Variants in GRHL3 observed in about 807,000 individuals in gnomAD.
GRHL3 encodes grainyhead-like protein 3 homolog.
GRHL3 carries 20 observed loss-of-function variants against 70.3 expected under a neutral mutation model. The ratio of observed to expected loss-of-function variants is 0.28; its 90% CI spans 0.20 to 0.41. The LOEUF (loss-of-function observed/expected upper bound fraction) is 0.41. Among genes scored for constraint, GRHL3 ranks in the 10% least tolerant of loss-of-function variants. The pLI, the probability that GRHL3 is intolerant of heterozygous loss-of-function variation, is 1.00. For missense variants in GRHL3, 637 were observed against 762.3 expected, an observed-to-expected ratio of 0.84 and a Z score of 1.94; for synonymous variants, 299 against 299.9, an observed-to-expected ratio of 1.00 and a Z score of 0.03.
chr1:24,326,341 C>CCTCCACCCCTCTTCT (rs1639385882), intron 1 of GRHL3, among the ~76,000 whole-genome samples: 1 of 125,886 alleles, frequency 7.9e-6, no homozygotes, highest in Non-Finnish European at 1.7e-5. Flanking sequence ...CTCCCTCTTC[C>CCTCCACCCCTCTTCT]CCTCCACCCC....
chr1:24,333,101 G>C (rs538583108), intron 2 of GRHL3, among the ~76,000 whole-genome samples: 3 of 152,202 alleles, frequency 2.0e-5, no homozygotes, highest in Non-Finnish European at 4.4e-5. Context: ...CCATTCCAGG[G>C]CCAGTATGGT....
intron 1 of GRHL3, chr1:24,319,782 T>G: frequency 7.1e-7 from 1 of 1,416,314 alleles, no homozygotes; most frequent in Non-Finnish European, 9.3e-7. Flanking sequence ...TTTTTCTCAT[T>G]CTCTTTGCTG....
At chr1:24,356,432 G>A (rs1223133044), downstream of GRHL3, among the ~76,000 whole-genome samples, 1 of 151,444 alleles carries the variant, frequency 6.6e-6, no homozygotes, top group Non-Finnish European at 1.5e-5. Context: ...GTAAAGATGG[G>A]GTTTCACCGT....
intron 5 of GRHL3, chr1:24,337,423 C>A (rs190722737): frequency 5.0e-6 from 3 of 605,928 alleles, no homozygotes; most frequent in Non-Finnish European, 8.6e-6. Flanking sequence ...CTCTAATTTT[C>A]ATTGGGCCCT....
chr1:24,335,669 G>A lies in GRHL3; in HGVS notation c.267-813G>A, dbSNP rs556073452. On this transcript the variant is annotated intron_variant, in intron 3 of 15. Coordinates refer to ENST00000361548, the MANE Select transcript of GRHL3 (RefSeq NM_198173.3). Reference sequence around the variant, plus strand: ...GCGGTCTTGGCTCACTGCAAGCTCCGTCTCCCGGGTTCAAGCCATTCTTCT... The same window carrying A: ...GCGGTCTTGGCTCACTGCAAGCTCCATCTCCCGGGTTCAAGCCATTCTTCT... 1.3e-4 allele frequency among the ~76,000 whole-genome samples: 20 copies of A among 150,398 alleles called. No individual in the cohort carries two copies. The East Asian group carries it at 2.7e-3, about 21-fold the overall frequency.
At chr1:24,355,797 A>G (rs1198823269), downstream of GRHL3, among the ~76,000 whole-genome samples, 1 of 152,198 alleles carries the variant, frequency 6.6e-6, no homozygotes, top group Non-Finnish European at 1.5e-5. Flanking sequence ...CATTGAAATC[A>G]GCCATGGTGA....
chr1:24,344,485 GAA>G (rs57193515), intron 11 of GRHL3, among the ~76,000 whole-genome samples: 7,754 of 55,814 alleles, frequency 0.14, 287 homozygotes, highest in Non-Finnish European at 0.18. Context: ...TTTCCCCCCA[GAA>G]AAAAAAAAAA....
chr1:24,319,849 CCA>C, intron 1 of GRHL3: 2 of 861,406 alleles, frequency 2.3e-6, no homozygotes, highest in Non-Finnish European at 3.3e-6. Flanking sequence ...GTTTCTGGCA[CCA>C]CTTTTTGATC....
intron 1 of GRHL3, among the ~76,000 whole-genome samples, chr1:24,326,322 A>T (rs1249663161): frequency 6.9e-6 from 1 of 145,726 alleles, no homozygotes; most frequent in Non-Finnish European, 1.5e-5. Context: ...CTCCCAACTC[A>T]TCTCCATTCT....
chr1:24,336,861 A>G, intron 4 of GRHL3, 34 bp downstream of exon 4: 1 of 1,485,434 alleles, frequency 6.7e-7, no homozygotes, highest in South Asian at 1.2e-5. Flanking sequence ...TATAGCATAG[A>G]TATGTGTGTG....
chr1:24,358,532 G>C, downstream of GRHL3: 1 of 1,609,932 alleles, frequency 6.2e-7, no homozygotes, highest in Non-Finnish European at 8.5e-7. Context: ...CCTTGACCTT[G>C]TGTGACATCC....
At chr1:24,351,660 G>C (rs1230415378) in intron 15 of GRHL3, among the ~76,000 whole-genome samples, 1 of 138,464 alleles carries the variant, frequency 7.2e-6, no homozygotes, top group Admixed American at 7.6e-5. Context: ...CTGTGTGATT[G>C]CATGGGGGGG....
intron 15 of GRHL3, among the ~76,000 whole-genome samples, chr1:24,362,156 T>C (rs1641164744): frequency 6.6e-6 from 1 of 152,220 alleles, no homozygotes. Context: ...AGGAGGGGAC[T>C]TGGGATTCCT....
rs1640670921 is a variant in GRHL3 at position 24,355,207 on chromosome 1, A to T, written c.*719A>T. ...ATGGATATGTTTTTATCATTTCAAA[A>T]AATGTGTATTTCACATTTCTTGGAC... is the stretch of plus-strand genomic sequence containing the variant. On this transcript the variant is annotated 3_prime_UTR_variant, in exon 16 of 16. Transcript: ENST00000361548. 6.6e-6 allele frequency: 1 copy of T among 152,594 alleles called. No homozygotes were observed. Among genetic ancestry groups the T allele is most frequent in the Admixed American group, 6.5e-5 (1 of 15,290 alleles). 9.5% of individuals were successfully genotyped at this position (152,594 alleles called of 1,614,324 possible).
In GRHL3 at chr1:24,342,938, C is replaced by A. The variant is rs760868744; in HGVS notation, c.1332C>A (p.Thr444=). 6.2e-7 allele frequency: 1 copy of A among 1,614,050 alleles called. No homozygotes were observed. The change falls in exon 11 of 16, where the codon ACC becomes ACA. Residue 444 remains threonine, a synonymous_variant. Coordinates refer to ENST00000361548, the MANE Select transcript of GRHL3 (RefSeq NM_198173.3). This position sits in a 1 kb window ranked among gnomAD's most constrained non-coding sequence, Gnocchi z 4.8. ...CGGGCTTCAGGGGCAATGAGACGAC[C>A]TACCTTCGGCCAGAGACTGACCTGG... ...LLSGFRGNET[T]YLRPETDLET...
chr1:24,344,485 GAAA>G lies in GRHL3; in HGVS notation c.1420-385_1420-383del, dbSNP rs57193515. Among the ~76,000 whole-genome samples the G allele has an allele frequency of 5.2e-3, 289 of 55,788 alleles. 1 individual carries two copies. The highest frequency in any genetic ancestry group is 0.01 in the South Asian group (10 of 964). The allele number at this position is 55,788 out of a possible 152,430, so 36.6% of individuals were successfully genotyped here. A position where few individuals can be genotyped will look rare whatever the true frequency, so the allele number is the denominator to read the frequency against. The stretch of plus-strand genomic sequence containing the variant: ...CAGCCTGGGAGACTCTTTCCCCCCA[GAAA>G]AAAAAAAAAAAAAAAAAAAAAAAAA... On this transcript the variant is annotated intron_variant, in intron 11 of 15. Coordinates refer to ENST00000361548, the MANE Select transcript of GRHL3 (RefSeq NM_198173.3).
Position 24,323,059 on chromosome 1 carries a change from TA to T in GRHL3, c.17+3493del, listed in dbSNP as rs151316582. 3,320 of 1,549,248 alleles carry T rather than the reference TA, an allele frequency of 2.1e-3. 55 individuals are homozygous for T. In the African/African-American group the frequency reaches 0.04, roughly 19 times the overall value. ...AGACAGAGGAGATGTGCCAAACTGT[TA>T]AGAGTGGTTATTTCTGAGCAGAAGA... On this transcript the variant is annotated intron_variant, in intron 1 of 15. Coordinates refer to ENST00000361548, the MANE Select transcript of GRHL3 (RefSeq NM_198173.3).
chr1:24,347,954 C>G (rs746778152), intron 14 of GRHL3, among the ~76,000 whole-genome samples: 5 of 152,160 alleles, frequency 3.3e-5, no homozygotes, highest in Admixed American at 6.5e-5. Context: ...GGCTGGGGGC[C>G]GCTGGCTGGG....
downstream of GRHL3, chr1:24,358,722 C>A (rs1640891021): frequency 1.2e-6 from 1 of 810,450 alleles, no homozygotes; most frequent in Non-Finnish European, 2.0e-6. Flanking sequence ...GACCCCTGTG[C>A]CAGCCCCTGT....
Sources: allele counts gnomAD v4.1 joint callset (sites outside exome capture counted in the v4.1 genomes callset), GRCh38; gene constraint gnomAD v4.1.1; non-coding constraint Gnocchi (gnomAD v3.1); transcripts MANE v1.5; gene names NCBI Gene and HGNC (gene_info 2026-07-23, HGNC 2026-07-21).